EWSR1: variants seen among roughly 807,000 people sequenced by gnomAD.
The protein encoded by EWSR1 is EWS RNA binding protein 1.
In EWSR1, 14 loss-of-function variants were observed where a neutral mutation model predicts 92.1. That is an observed-to-expected ratio of 0.15 (90% CI 0.10 to 0.24). The LOEUF (loss-of-function observed/expected upper bound fraction) is 0.24, where lower values mean the gene tolerates loss of function less well. EWSR1 is among the 10% of genes least tolerant of loss of function. The pLI is 1.00. For missense variants in EWSR1, 637 were observed against 870.9 expected (o/e 0.73, Z 3.38); for synonymous variants, 303 against 292.9 (o/e 1.03, Z -0.35).
At chr22:29,275,104 T>C (rs2059001249) in intron 4 of EWSR1, among the ~76,000 whole-genome samples, 1 of 152,246 alleles carries the variant, frequency 6.6e-6, no homozygotes, top group Non-Finnish European at 1.5e-5. Flanking sequence ...ATGGGAAATG[T>C]TTATCTAAAC....
chr22:29,296,451 G>C, intron 12 of EWSR1, 83 bp downstream of exon 12: 1 of 1,535,600 alleles, frequency 6.5e-7, no homozygotes, highest in Non-Finnish European at 8.9e-7. Flanking sequence ...ATAGGAGCAA[G>C]AAGACCTTCC....
chr22:29,271,992 C>A (rs1363355599), intron 1 of EWSR1, among the ~76,000 whole-genome samples: 1 of 152,158 alleles, frequency 6.6e-6, no homozygotes, highest in African/African-American at 2.4e-5. Flanking sequence ...ATCAGCTGAT[C>A]TTGACCTCAT....
chr22:29,283,220 A>AC (rs1399016728), intron 6 of EWSR1, among the ~76,000 whole-genome samples: 7 of 152,258 alleles, frequency 4.6e-5, no homozygotes, highest in African/African-American at 1.7e-4. Flanking sequence ...CAATGCAGTT[A>AC]GGATAAGTAA....
At chr22:29,270,376 G>T (rs536468281) in intron 1 of EWSR1, among the ~76,000 whole-genome samples, 1 of 152,270 alleles carries the variant, frequency 6.6e-6, no homozygotes, top group African/African-American at 2.4e-5. Flanking sequence ...CACTTTTGGG[G>T]GTTAAAAACG....
chr22:29,268,781 T>C (rs954504442), intron 1 of EWSR1, among the ~76,000 whole-genome samples: 6 of 152,234 alleles, frequency 3.9e-5, no homozygotes, highest in Admixed American at 3.3e-4. Flanking sequence ...CCTCCCCGTT[T>C]TCAGGGTTTC....
At chr22:29,279,135 G>T (rs1001113870) in intron 5 of EWSR1, among the ~76,000 whole-genome samples, 5 of 151,936 alleles carry the variant, frequency 3.3e-5, no homozygotes, top group Admixed American at 3.3e-4. Context: ...GAGAGAGAGT[G>T]TGTGTGTGTG....
chr22:29,296,126 T>C lies in EWSR1; in HGVS notation c.1165-113T>C. 5.8e-6 allele frequency: 6 copies of C among 1,027,486 alleles called. 1 individual carries two copies. Among genetic ancestry groups the C allele is most frequent in the Non-Finnish European group, 8.4e-6 (6 of 712,048 alleles). The allele number at this position is 1,027,486 out of a possible 1,614,324, so 63.6% of individuals were successfully genotyped here. A position where few individuals can be genotyped will look rare whatever the true frequency, so the allele number is the denominator to read the frequency against. ...ACTTAAAAGCGGAGAAACGGTGACATTTAGTGACTTACTACATGTGAGAAA... is the reference window on the plus strand; with the variant it reads ...ACTTAAAAGCGGAGAAACGGTGACACTTAGTGACTTACTACATGTGAGAAA... On this transcript the variant is annotated intron_variant, in intron 11 of 16. Coordinates refer to ENST00000397938, the MANE Select transcript of EWSR1 (RefSeq NM_005243.4).
intron 9 of EWSR1, 159 bp from the exon 10 acceptor site, chr22:29,291,978 G>A: frequency 1.4e-6 from 1 of 703,142 alleles, no homozygotes; most frequent in South Asian, 1.8e-5. Context: ...TTTCACAAAT[G>A]TTAAAGAGAC....
At chr22:29,292,762 C>CTTTTTTTTTT (rs34395867) in intron 11 of EWSR1, among the ~76,000 whole-genome samples, 156 bp downstream of exon 11, 4 of 100,842 alleles carry the variant, frequency 4.0e-5, no homozygotes, top group African/African-American at 1.6e-4. Context: ...AAAGATTAGC[C>CTTTTTTTTTT]TTTTTTTTTT....
At chr22:29,280,361 C>G (rs1392898004) in intron 5 of EWSR1, among the ~76,000 whole-genome samples, 1 of 152,182 alleles carries the variant, frequency 6.6e-6, no homozygotes. Flanking sequence ...AGCCACCGCA[C>G]CCGGCCTGCC....
At chr22:29,279,946 CTT>C (rs763747958) in intron 5 of EWSR1, among the ~76,000 whole-genome samples, 12 of 151,962 alleles carry the variant, frequency 7.9e-5, no homozygotes, top group Non-Finnish European at 1.2e-4. Flanking sequence ...TTTCTTTTCA[CTT>C]GTTACCACTT....
intron 1 of EWSR1, among the ~76,000 whole-genome samples, chr22:29,271,586 C>T (rs1358292376): frequency 6.6e-6 from 1 of 152,204 alleles, no homozygotes; most frequent in East Asian, 1.9e-4. Context: ...AGCTCTGCTT[C>T]ACCAGGGTTT....
At position 29,273,872 on chromosome 22, in the gene EWSR1, C is replaced by T; in HGVS notation, c.226+8C>T. The T allele has an allele frequency of 6.2e-7, 1 of 1,613,502 alleles. No individual in the cohort carries two copies. Among genetic ancestry groups the T allele is most frequent in the Non-Finnish European group, 8.5e-7 (1 of 1,179,752 alleles). Reference sequence around the variant, plus strand: ...ATGGACAGCCTCCCACTGGTAAGGCCTGCCTTGGAGAGATTTTTGGGTCGT... The same window carrying T: ...ATGGACAGCCTCCCACTGGTAAGGCTTGCCTTGGAGAGATTTTTGGGTCGT... On this transcript the variant is annotated splice_region_variant and intron_variant, in intron 4 of 16. Coordinates refer to ENST00000397938, the MANE Select transcript of EWSR1 (RefSeq NM_005243.4).
intron 4 of EWSR1, chr22:29,276,265 C>G (rs1486380861): frequency 4.4e-6 from 1 of 229,880 alleles, no homozygotes; most frequent in East Asian, 6.2e-5. Context: ...TGTGGTTGAC[C>G]TTAGGACTCT....
chr22:29,276,265 C>T (rs1486380861), intron 4 of EWSR1: 1 of 229,880 alleles, frequency 4.4e-6, no homozygotes, highest in Admixed American at 5.7e-5. Context: ...TGTGGTTGAC[C>T]TTAGGACTCT....
Position 29,297,918 on chromosome 22 carries a change from G to C in EWSR1, c.1386G>C (p.Glu462Asp). ...NSMRGGLPPR[E>D]GRGMPPPLRG... ...TGCGGGGTGGTCTGCCACCCCGTGAGGGCAGAGGCATGCCACCACCACTCC... is the reference window on the plus strand; with the variant it reads ...TGCGGGGTGGTCTGCCACCCCGTGACGGCAGAGGCATGCCACCACCACTCC... The change falls in exon 13 of 17, where the codon GAG (glutamate) becomes GAC (aspartate). Residue 462 changes from glutamate to aspartate, a missense_variant. Physicochemically the swap from Glu to Asp is conservative, Grantham distance 45. This residue lies in a region of EWSR1 where 363 missense variants were observed against 447.8 expected (regional missense o/e 0.81). Transcript: ENST00000397938. 1 of 1,613,822 alleles carries C rather than the reference G, an allele frequency of 6.2e-7. No individual in the cohort carries two copies. The highest frequency in any genetic ancestry group is 8.5e-7 in the Non-Finnish European group (1 of 1,179,856).
chr22:29,279,943 TCA>T (rs2059431560), intron 5 of EWSR1, among the ~76,000 whole-genome samples: 1 of 152,220 alleles, frequency 6.6e-6, no homozygotes, highest in Non-Finnish European at 1.5e-5. Context: ...TTTTTTCTTT[TCA>T]CTTGTTACCA....
At chr22:29,297,277 A>C (rs1483147976) in intron 12 of EWSR1, among the ~76,000 whole-genome samples, 2 of 152,166 alleles carry the variant, frequency 1.3e-5, no homozygotes, top group African/African-American at 4.8e-5. Flanking sequence ...CAGCCACTCG[A>C]GTAGCTGCTG....
At chr22:29,292,304 T>C in intron 10 of EWSR1, 135 bp downstream of exon 10, 2 of 1,064,226 alleles carry the variant, frequency 1.9e-6, no homozygotes, top group Non-Finnish European at 2.9e-6. Context: ...TGGGAAATCC[T>C]ATGTGAGCAT....
Sources: allele counts gnomAD v4.1 joint callset (sites outside exome capture counted in the v4.1 genomes callset), GRCh38; gene constraint gnomAD v4.1.1; regional missense constraint gnomAD v4.1.1; transcripts MANE v1.5; gene names NCBI Gene and HGNC (gene_info 2026-07-23, HGNC 2026-07-21).